The following BAALC variants were observed in gnomAD, a reference collection of about 807,000 sequenced individuals.
BAALC encodes brain and acute leukemia cytoplasmic protein.
Under a neutral mutation model 15.5 loss-of-function variants are expected in BAALC, and 9 were observed. That is an observed-to-expected ratio of 0.58 (90% confidence interval 0.35 to 1.02). The LOEUF (loss-of-function observed/expected upper bound fraction) is 1.02. BAALC is among the 50% of genes least tolerant of loss of function. BAALC has a pLI of 0.02. For missense variants in BAALC, 201 were observed against 192.4 expected (o/e 1.04, Z -0.27); for synonymous variants, 80 against 74.6 (o/e 1.07, Z -0.37).
chr8:103,162,143 A>G (rs1027173440), intron 1 of BAALC, among the ~76,000 whole-genome samples: 5 of 151,976 alleles, frequency 3.3e-5, no homozygotes, highest in Admixed American at 6.6e-5. Flanking sequence ...CATTTTTTTC[A>G]TAGAGATGGG....
intron 1 of BAALC, among the ~76,000 whole-genome samples, chr8:103,152,770 C>G (rs931472048): frequency 2.6e-5 from 4 of 152,210 alleles, no homozygotes; most frequent in African/African-American, 9.7e-5. Context: ...AGGTCGGCGG[C>G]CACACCCAGT....
At chr8:103,193,588 A>G (rs1812023917) in intron 1 of BAALC, among the ~76,000 whole-genome samples, 1 of 152,210 alleles carries the variant, frequency 6.6e-6, no homozygotes, top group Non-Finnish European at 1.5e-5. Flanking sequence ...AGATGGGAGC[A>G]AGACATCTTT....
chr8:103,169,987 T>C (rs949758042), intron 1 of BAALC, among the ~76,000 whole-genome samples: 2 of 152,224 alleles, frequency 1.3e-5, no homozygotes, highest in Non-Finnish European at 2.9e-5. Flanking sequence ...AAAAAACACG[T>C]TGTACTCAAG....
chr8:103,174,078 A>G (rs368984123), intron 1 of BAALC, among the ~76,000 whole-genome samples: 1 of 152,184 alleles, frequency 6.6e-6, no homozygotes, highest in South Asian at 2.1e-4. Context: ...TGTGAAAATT[A>G]CAGGGCCAGG....
chr8:103,226,005 A>G (rs1012250768), intron 2 of BAALC, among the ~76,000 whole-genome samples: 1 of 152,242 alleles, frequency 6.6e-6, no homozygotes, highest in African/African-American at 2.4e-5. Flanking sequence ...TGGATGCACT[A>G]CAGAGGAAGT....
intron 1 of BAALC, among the ~76,000 whole-genome samples, chr8:103,211,804 A>G (rs992386498): frequency 6.6e-6 from 1 of 152,198 alleles, no homozygotes; most frequent in African/African-American, 2.4e-5. Flanking sequence ...TCCTGAGAGC[A>G]CTGCCCTTCT....
chr8:103,217,418 A>G (rs534800110), intron 2 of BAALC, among the ~76,000 whole-genome samples: 3 of 152,136 alleles, frequency 2.0e-5, no homozygotes, highest in South Asian at 4.2e-4. Flanking sequence ...TATTTGCCCA[A>G]AGAAAATACT....
At chr8:103,218,717 TG>T (rs1812614488) in intron 2 of BAALC, among the ~76,000 whole-genome samples, 1 of 152,184 alleles carries the variant, frequency 6.6e-6, no homozygotes, top group Non-Finnish European at 1.5e-5. Flanking sequence ...TTATTATTCT[TG>T]ACAAAGTGAC....
intron 1 of BAALC, among the ~76,000 whole-genome samples, chr8:103,168,798 C>T (rs1385029548): frequency 6.6e-6 from 1 of 152,062 alleles, no homozygotes; most frequent in Non-Finnish European, 1.5e-5. Context: ...TCTTTCTCTT[C>T]CTTGGTTTGT....
intron 1 of BAALC, among the ~76,000 whole-genome samples, chr8:103,209,769 C>T (rs890702637): frequency 6.6e-6 from 1 of 152,218 alleles, no homozygotes; most frequent in Non-Finnish European, 1.5e-5. Context: ...CCTGCTCAAT[C>T]AGTAAGTTCA....
At chr8:103,219,185 C>T (rs574396212) in intron 2 of BAALC, among the ~76,000 whole-genome samples, 4 of 152,258 alleles carry the variant, frequency 2.6e-5, no homozygotes, top group South Asian at 2.1e-4. Flanking sequence ...TTGTAAGACT[C>T]GGTATTCATG....
At chr8:103,161,051 A>G (rs1811214280) in intron 1 of BAALC, among the ~76,000 whole-genome samples, 1 of 152,180 alleles carries the variant, frequency 6.6e-6, no homozygotes, top group African/African-American at 2.4e-5. Context: ...TCAACTTGCT[A>G]GACAGGTAGG....
chr8:103,150,459 G>A (rs1287089369), intron 1 of BAALC, among the ~76,000 whole-genome samples: 1 of 152,092 alleles, frequency 6.6e-6, no homozygotes. Context: ...GCTGCCCAGA[G>A]CTATGGCTGG....
At chr8:103,208,229 T>G (rs1010286481) in intron 1 of BAALC, 1 of 152,256 alleles carries the variant, frequency 6.6e-6, no homozygotes, top group Non-Finnish European at 1.5e-5. Context: ...CCTTTAGATA[T>G]GGTCTCACTT....
At chr8:103,227,826 A>C (rs1255963383) in intron 2 of BAALC, among the ~76,000 whole-genome samples, 163 bp from the exon 3 acceptor site, 1 of 151,968 alleles carries the variant, frequency 6.6e-6, no homozygotes, top group African/African-American at 2.4e-5. Flanking sequence ...CTCTTTGGGA[A>C]TTTTTGCACA....
intron 1 of BAALC, among the ~76,000 whole-genome samples, chr8:103,197,016 T>C (rs1017175676): frequency 6.6e-6 from 1 of 152,228 alleles, no homozygotes; most frequent in Non-Finnish European, 1.5e-5. Flanking sequence ...TACTTAATTC[T>C]GAAGGCAAGT....
At chr8:103,157,605 T>TG (rs1202711610) in intron 1 of BAALC, among the ~76,000 whole-genome samples, 2 of 152,150 alleles carry the variant, frequency 1.3e-5, no homozygotes, top group African/African-American at 4.8e-5. Flanking sequence ...CCTATGAGTA[T>TG]GAGACCGTCC....
intron 1 of BAALC, among the ~76,000 whole-genome samples, chr8:103,197,572 A>G (rs1399988276): frequency 2.0e-5 from 3 of 152,196 alleles, no homozygotes; most frequent in African/African-American, 4.8e-5. Flanking sequence ...TTGTGTTGCT[A>G]TAAAGAAGTA....
At chr8:103,197,743 G>A (rs987099342) in intron 1 of BAALC, among the ~76,000 whole-genome samples, 4 of 152,040 alleles carry the variant, frequency 2.6e-5, no homozygotes, top group African/African-American at 9.7e-5. Flanking sequence ...GGGCAAGAGC[G>A]GGAGAAAGAG....
Sources: allele counts gnomAD v4.1 joint callset (sites outside exome capture counted in the v4.1 genomes callset), GRCh38; gene constraint gnomAD v4.1.1; transcripts MANE v1.5; gene names NCBI Gene and HGNC (gene_info 2026-07-23, HGNC 2026-07-21).